Variants in RORA observed in about 807,000 individuals in gnomAD.
RORA encodes the protein RAR related orphan receptor A.
In RORA, 7 loss-of-function variants were observed where a neutral mutation model predicts 69.5. The observed-to-expected ratio is 0.10, with a 90% confidence interval of 0.06 to 0.19. The LOEUF (loss-of-function observed/expected upper bound fraction) is 0.19. Among genes scored for constraint, RORA ranks in the 10% least tolerant of loss-of-function variants. RORA has a pLI of 1.00. For synonymous variants in RORA, 261 were observed against 240.8 expected (o/e 1.08, Z -0.78); for missense variants, 457 against 663.0 (o/e 0.69, Z 3.41).
At chr15:61,093,392 C>T (rs2078738226) in intron 1 of RORA, among the ~76,000 whole-genome samples, 1 of 152,138 alleles carries the variant, frequency 6.6e-6, no homozygotes. Context: ...AGGGCACCAG[C>T]CAAACAAATG....
At chr15:60,793,376 A>C (rs1370421155) in intron 1 of RORA, among the ~76,000 whole-genome samples, 2 of 152,210 alleles carry the variant, frequency 1.3e-5, no homozygotes, top group Admixed American at 6.5e-5. Flanking sequence ...TCACTTAAAA[A>C]CAACAAAAAA....
At chr15:61,156,528 C>T (rs553584222) in intron 1 of RORA, among the ~76,000 whole-genome samples, 1 of 152,036 alleles carries the variant, frequency 6.6e-6, no homozygotes, top group South Asian at 2.1e-4. Flanking sequence ...GGAGAGATGG[C>T]GCCAGAGAAC....
intron 1 of RORA, among the ~76,000 whole-genome samples, chr15:61,094,617 G>T (rs2078762085): frequency 6.6e-6 from 1 of 152,186 alleles, no homozygotes; most frequent in African/African-American, 2.4e-5. Flanking sequence ...TTGTTCTGTG[G>T]GGAAGACAAA....
intron 1 of RORA, among the ~76,000 whole-genome samples, chr15:60,901,396 T>A (rs1038093782): frequency 6.6e-6 from 1 of 152,210 alleles, no homozygotes; most frequent in African/African-American, 2.4e-5. Context: ...AGTCTCGAAC[T>A]CCTGACCTCA....
intron 1 of RORA, among the ~76,000 whole-genome samples, chr15:60,995,231 CAGCTGG>C (rs1566937091): frequency 6.6e-6 from 1 of 152,076 alleles, no homozygotes; most frequent in Admixed American, 6.5e-5. Flanking sequence ...TGAGCCAGTG[CAGCTGG>C]CTCCCTGACA....
At chr15:60,649,381 G>A (rs1335203482) in intron 2 of RORA, among the ~76,000 whole-genome samples, 1 of 152,114 alleles carries the variant, frequency 6.6e-6, no homozygotes, top group Non-Finnish European at 1.5e-5. Flanking sequence ...CATATTGAGG[G>A]GCTCTGCAAC....
chr15:60,861,647 C>A (rs950923645), intron 1 of RORA, among the ~76,000 whole-genome samples: 1 of 152,164 alleles, frequency 6.6e-6, no homozygotes, highest in Non-Finnish European at 1.5e-5. Context: ...AGCCACCATG[C>A]CTGGCTCATT....
chr15:61,198,282 T>A (rs1326112645), intron 1 of RORA, among the ~76,000 whole-genome samples: 1 of 152,208 alleles, frequency 6.6e-6, no homozygotes, highest in African/African-American at 2.4e-5. Context: ...TGGGTCTGGC[T>A]CGTGTAAAAT....
chr15:60,631,940 C>T (rs2069746198), intron 2 of RORA, among the ~76,000 whole-genome samples: 1 of 152,222 alleles, frequency 6.6e-6, no homozygotes, highest in Non-Finnish European at 1.5e-5. Flanking sequence ...AGTTAACTCG[C>T]TTTACTCTTC....
At position 61,137,959 on chromosome 15, in the gene RORA, A is replaced by T. The variant is rs377080230; in HGVS notation, c.166+91094T>A. On this transcript the variant is annotated intron_variant, in intron 1 of 10. Coordinates refer to ENST00000335670, the MANE Select transcript of RORA (RefSeq NM_134261.3). ...AAGTTATTGTCCACCAGGAAAACAT[A>T]CTTACCCTGGAAAGAGACATACAGG... Among the ~76,000 whole-genome samples, 6 of 152,206 alleles carry T rather than the reference A, an allele frequency of 3.9e-5. 1 individual carries two copies. The East Asian group carries it at 5.8e-4, about 15-fold the overall frequency.
chr15:60,616,174 T>C (rs1567125973), intron 2 of RORA, among the ~76,000 whole-genome samples: 1 of 152,214 alleles, frequency 6.6e-6, no homozygotes, highest in Admixed American at 6.5e-5. Context: ...TATGTATTTG[T>C]GGTTTGGGGA....
At chr15:60,573,875 T>C (rs2067952558) in intron 2 of RORA, among the ~76,000 whole-genome samples, 1 of 151,008 alleles carries the variant, frequency 6.6e-6, no homozygotes, top group Admixed American at 6.6e-5. Flanking sequence ...CCTTGGGCCC[T>C]CCCTGGCCTG....
At chr15:60,928,642 T>A (rs999440217) in intron 1 of RORA, among the ~76,000 whole-genome samples, 1 of 152,192 alleles carries the variant, frequency 6.6e-6, no homozygotes, top group African/African-American at 2.4e-5. Flanking sequence ...GTTTGTCCAA[T>A]TCGACTCCCT....
intron 2 of RORA, among the ~76,000 whole-genome samples, chr15:60,565,458 G>T (rs1323510208): frequency 6.6e-6 from 1 of 152,150 alleles, no homozygotes; most frequent in Non-Finnish European, 1.5e-5. Flanking sequence ...AATTGCATTT[G>T]TCCAATATCG....
intron 2 of RORA, among the ~76,000 whole-genome samples, chr15:60,547,005 G>T (rs950634352): frequency 2.0e-5 from 3 of 152,142 alleles, no homozygotes; most frequent in African/African-American, 7.2e-5. Flanking sequence ...AGATGTGTAC[G>T]ATCAACAGTG....
At chr15:61,168,795 G>GA (rs1169863608) in intron 1 of RORA, among the ~76,000 whole-genome samples, 3 of 152,012 alleles carry the variant, frequency 2.0e-5, no homozygotes, top group African/African-American at 7.2e-5. Flanking sequence ...GTTCTAGCAG[G>GA]TGCTAGCTGT....
intron 2 of RORA, among the ~76,000 whole-genome samples, chr15:60,602,786 A>G (rs2068849408): frequency 6.6e-6 from 1 of 152,234 alleles, no homozygotes; most frequent in African/African-American, 2.4e-5. Context: ...TTATTAAAAT[A>G]TAATTTACAT....
rs149770478 is a variant in RORA, at chr15:60,988,984, G to T, written c.166+240069C>A. Among the ~76,000 whole-genome samples, 20 of 152,280 alleles carry T rather than the reference G, an allele frequency of 1.3e-4. 4 individuals are homozygous for T. Among genetic ancestry groups the T allele is most frequent in the African/African-American group, 4.8e-4 (20 of 41,564 alleles). The stretch of plus-strand genomic sequence containing the variant: ...ATAAAGAAAGAAAAGGGTATTTTTT[G>T]AATGTCCACCATGTATACATCATCC... On this transcript the variant is annotated intron_variant, in intron 1 of 10. Transcript: ENST00000335670.
chr15:60,946,799 C>G (rs1460128707), intron 1 of RORA, among the ~76,000 whole-genome samples: 1 of 151,912 alleles, frequency 6.6e-6, no homozygotes, highest in Non-Finnish European at 1.5e-5. Flanking sequence ...CTCTTCCCGG[C>G]CACCATCCCG....
Sources: allele counts gnomAD v4.1 joint callset (sites outside exome capture counted in the v4.1 genomes callset), GRCh38; gene constraint gnomAD v4.1.1; transcripts MANE v1.5; gene names NCBI Gene and HGNC (gene_info 2026-07-23, HGNC 2026-07-21).